Variants in GAREM1 observed in about 807,000 individuals in gnomAD.
GAREM1 encodes GRB2 associated regulator of MAPK1 subtype 1.
A neutral mutation model predicts 71.3 loss-of-function variants in GAREM1; 26 were observed. The observed-to-expected ratio is 0.36, with a 90% CI of 0.27 to 0.51. The LOEUF is 0.51. Among genes scored for constraint, GAREM1 ranks in the 20% least tolerant of loss-of-function variants. The pLI is 0.95. For missense variants in GAREM1, 1,026 were observed against 1,103.1 expected, an observed-to-expected ratio of 0.93 and a Z score of 0.99; for synonymous variants, 440 against 433.2, an observed-to-expected ratio of 1.02 and a Z score of -0.20.
intron 1 of GAREM1, among the ~76,000 whole-genome samples, chr18:32,425,620 T>A (rs902334471): frequency 5.3e-5 from 8 of 152,096 alleles, no homozygotes; most frequent in Non-Finnish European, 1.0e-4. Flanking sequence ...TGAGGCTGAG[T>A]GCTAATATTG....
At chr18:32,459,885 G>A (rs1394920278) in intron 1 of GAREM1, among the ~76,000 whole-genome samples, 1 of 152,038 alleles carries the variant, frequency 6.6e-6, no homozygotes, top group Non-Finnish European at 1.5e-5. Context: ...TTATTCAAGT[G>A]GGCCTTCTCA....
chr18:32,316,395 CATATT>C (rs2047378134), intron 2 of GAREM1, among the ~76,000 whole-genome samples: 1 of 152,268 alleles, frequency 6.6e-6, no homozygotes. Flanking sequence ...TTTGTGTACA[CATATT>C]ATATTTTAAA....
At chr18:32,346,459 C>T (rs1268294305) in intron 2 of GAREM1, among the ~76,000 whole-genome samples, 1 of 152,066 alleles carries the variant, frequency 6.6e-6, no homozygotes, top group Non-Finnish European at 1.5e-5. Context: ...AAAGTGAATC[C>T]TCTTATAAAG....
chr18:32,370,608 G>A (rs930388436), intron 2 of GAREM1, among the ~76,000 whole-genome samples: 1 of 152,124 alleles, frequency 6.6e-6, no homozygotes, highest in African/African-American at 2.4e-5. Context: ...ATAGTGTGGT[G>A]CATAAAACAA....
intron 1 of GAREM1, among the ~76,000 whole-genome samples, chr18:32,410,649 G>C (rs1209699657): frequency 6.6e-6 from 1 of 152,092 alleles, no homozygotes; most frequent in Admixed American, 6.5e-5. Context: ...ATGATTATGG[G>C]CAAATAACTT....
rs1383330767 is a variant in GAREM1 at position 32,267,894 on chromosome 18, T to C, written c.2608A>G (p.Asn870Asp). ...LQVKKIMQFI[N>D]GWRPKI is the part of the protein sequence containing the mutation. ...GGCTATATTTTGGGCCTCCAGCCAT[T>C]AATGAATTGCATTATCTTCTTCACC... The change falls in exon 6 of 6, where the codon AAT becomes GAT. Residue 870 changes from asparagine (N) to aspartate (D), a missense_variant. This residue lies in a region of GAREM1 where 636 missense variants were observed against 631.2 expected (regional missense o/e 1.01). Transcript: ENST00000269209. 6.2e-7 allele frequency: 1 copy of C among 1,612,088 alleles called. No homozygotes were observed.
chr18:32,372,277 T>G (rs1598997962), intron 2 of GAREM1, among the ~76,000 whole-genome samples: 1 of 152,222 alleles, frequency 6.6e-6, no homozygotes, highest in East Asian at 1.9e-4. Context: ...AGCCACCCTT[T>G]AAGTTATCAG....
At chr18:32,438,969 C>T (rs776719796) in intron 1 of GAREM1, among the ~76,000 whole-genome samples, 24 of 152,172 alleles carry the variant, frequency 1.6e-4, no homozygotes, top group Admixed American at 3.3e-4. Context: ...GTAACAGTGG[C>T]TCATTTCAGT....
intron 2 of GAREM1, among the ~76,000 whole-genome samples, chr18:32,363,706 A>G (rs1326780388): frequency 6.6e-6 from 1 of 151,996 alleles, no homozygotes; most frequent in African/African-American, 2.4e-5. Context: ...ACACTGGAAC[A>G]CTGTGAACTT....
chr18:32,310,767 A>G (rs1394355106), intron 2 of GAREM1, among the ~76,000 whole-genome samples: 2 of 150,628 alleles, frequency 1.3e-5, no homozygotes, highest in Admixed American at 1.3e-4. Context: ...AATTAGTATT[A>G]AATTTTTTTT....
At chr18:32,286,299 C>G (rs1471869555) in intron 4 of GAREM1, among the ~76,000 whole-genome samples, 1 of 151,076 alleles carries the variant, frequency 6.6e-6, no homozygotes, top group African/African-American at 2.4e-5. Flanking sequence ...TTAAATAGAA[C>G]TACCCTGGCA....
At chr18:32,300,001 A>G (rs2047183935) in intron 3 of GAREM1, among the ~76,000 whole-genome samples, 1 of 152,238 alleles carries the variant, frequency 6.6e-6, no homozygotes, top group Admixed American at 6.5e-5. Flanking sequence ...AGTGGGGCTG[A>G]GTGCTTTAAT....
chr18:32,313,042 CATTA>C, intron 2 of GAREM1, among the ~76,000 whole-genome samples: 1 of 152,232 alleles, frequency 6.6e-6, no homozygotes, highest in East Asian at 1.9e-4. Context: ...GGTTCATGGT[CATTA>C]ATTAAAAGTA....
intron 3 of GAREM1, among the ~76,000 whole-genome samples, chr18:32,298,342 A>G (rs901413116): frequency 1.3e-5 from 2 of 152,240 alleles, no homozygotes; most frequent in Non-Finnish European, 2.9e-5. Context: ...TTTCTTTAGC[A>G]GTAGAGCCAA....
chr18:32,412,777 T>C (rs1194685300), intron 1 of GAREM1: 1 of 1,205,084 alleles, frequency 8.3e-7, no homozygotes, highest in East Asian at 2.3e-5. Context: ...ATGATTTCAA[T>C]CACTTCAATT....
chr18:32,359,062 G>C (rs796629094), intron 2 of GAREM1, among the ~76,000 whole-genome samples: 5 of 152,270 alleles, frequency 3.3e-5, no homozygotes, highest in African/African-American at 1.2e-4. Flanking sequence ...TGTGATATTT[G>C]TGTGCCATTT....
At chr18:32,399,548 C>A (rs370685427) in intron 1 of GAREM1, among the ~76,000 whole-genome samples, 13,198 of 151,874 alleles carry the variant, frequency 0.087, 647 homozygotes, top group African/African-American at 0.13. Flanking sequence ...AGAGAGTCAA[C>A]TCATGAGTGA....
chr18:32,384,088 G>C (rs1414769270), intron 2 of GAREM1, among the ~76,000 whole-genome samples: 1 of 151,980 alleles, frequency 6.6e-6, no homozygotes, highest in African/African-American at 2.4e-5. Context: ...TTATTTCCAA[G>C]TTTTACATAC....
intron 2 of GAREM1, among the ~76,000 whole-genome samples, chr18:32,377,015 TATGAG>T (rs1453968056): frequency 2.6e-5 from 4 of 152,150 alleles, no homozygotes; most frequent in East Asian, 1.9e-4. Flanking sequence ...GACAGATATC[TATGAG>T]ATAAGTATTA....
Sources: gnomAD v4.1 joint callset for allele counts (sites outside exome capture counted in the v4.1 genomes callset) on GRCh38, gnomAD v4.1.1 for gene constraint, gnomAD v4.1.1 regional missense constraint, MANE v1.5 for transcripts, NCBI Gene and HGNC (gene_info 2026-07-23, HGNC 2026-07-21) for gene names.